Variants in NXPE2 observed in about 807,000 individuals in gnomAD.
The protein encoded by NXPE2 is NXPE family member 2.
NXPE2 carries 34 observed loss-of-function variants against 34.4 expected under a neutral mutation model. The ratio of observed to expected loss-of-function variants is 0.99; its 90% CI spans 0.75 to 1.31. The LOEUF is 1.31. Ranked by LOEUF, NXPE2 falls within the 40% of genes most tolerant of loss-of-function variation. NXPE2 has a pLI of 0.00. For missense variants in NXPE2, 649 were observed against 672.5 expected (o/e 0.97, Z 0.39); for synonymous variants, 235 against 231.3 (o/e 1.02, Z -0.15).
the NXPE2 span, among the ~76,000 whole-genome samples, chr11:114,601,816 T>G: frequency 2.7e-5 from 2 of 74,578 alleles, no homozygotes; most frequent in African/African-American, 5.4e-5. Context: ...ATTATATAAT[T>G]ATATATAATA....
the NXPE2 span, among the ~76,000 whole-genome samples, chr11:114,640,007 A>T: frequency 8.3e-6 from 1 of 120,510 alleles, no homozygotes; most frequent in Non-Finnish European, 1.6e-5. Flanking sequence ...ATAATGTAAT[A>T]ATATATTATT....
At chr11:114,719,336 C>T in the NXPE2 span, among the ~76,000 whole-genome samples, 3 of 152,100 alleles carry the variant, frequency 2.0e-5, no homozygotes, top group Admixed American at 6.5e-5. Flanking sequence ...GAGAAAGTAA[C>T]AACACCAGAT....
chr11:114,759,971 C>A, the NXPE2 span, among the ~76,000 whole-genome samples: 67,806 of 151,948 alleles, frequency 0.45, 15,421 homozygotes, highest in East Asian at 0.49. Flanking sequence ...ATGCTTAACA[C>A]AACCTTGCAT....
the NXPE2 span, among the ~76,000 whole-genome samples, chr11:114,620,448 G>T: frequency 6.6e-6 from 1 of 151,036 alleles, no homozygotes; most frequent in African/African-American, 2.4e-5. Flanking sequence ...TACCCAGTGG[G>T]TATTAATTGT....
chr11:114,759,129 C>G, the NXPE2 span, among the ~76,000 whole-genome samples: 1 of 152,156 alleles, frequency 6.6e-6, no homozygotes, highest in Non-Finnish European at 1.5e-5. Flanking sequence ...CTCTTTCTCT[C>G]TCTCTCTCCT....
chr11:114,669,916 T>G, the NXPE2 span, among the ~76,000 whole-genome samples: 1 of 152,014 alleles, frequency 6.6e-6, no homozygotes, highest in Non-Finnish European at 1.5e-5. Context: ...AAGGTCTGAT[T>G]GCAAAAATTC....
At chr11:114,511,018 T>G in the NXPE2 span, among the ~76,000 whole-genome samples, 1 of 152,120 alleles carries the variant, frequency 6.6e-6, no homozygotes, top group African/African-American at 2.4e-5. Flanking sequence ...GTGAAGAGAA[T>G]GAAATCTTCT....
At chr11:114,583,327 A>G in the NXPE2 span, 16 of 623,800 alleles carry the variant, frequency 2.6e-5, no homozygotes, top group Non-Finnish European at 4.2e-5. Context: ...ACTATTATGG[A>G]CAAGCCCACC....
At chr11:114,512,016 TATATC>T in the NXPE2 span, among the ~76,000 whole-genome samples, 3 of 152,134 alleles carry the variant, frequency 2.0e-5, no homozygotes, top group Non-Finnish European at 4.4e-5. Flanking sequence ...AAAACAAACT[TATATC>T]ATAGTTTAAA....
chr11:114,582,851 G>A, the NXPE2 span: 1 of 1,614,054 alleles, frequency 6.2e-7, no homozygotes, highest in Admixed American at 1.7e-5. Flanking sequence ...TGTTCACGTG[G>A]GTGAAAGGTC....
At chr11:114,571,957 C>T in the NXPE2 span, among the ~76,000 whole-genome samples, 1 of 152,206 alleles carries the variant, frequency 6.6e-6, no homozygotes, top group Non-Finnish European at 1.5e-5. Flanking sequence ...AAAACCAGCA[C>T]ACTAAACAAA....
chr11:114,585,646 T>C, the NXPE2 span, among the ~76,000 whole-genome samples: 1 of 152,078 alleles, frequency 6.6e-6, no homozygotes, highest in Admixed American at 6.6e-5. Flanking sequence ...TTAGAACACC[T>C]AAATATATAA....
chr11:114,601,155 T>A, the NXPE2 span, among the ~76,000 whole-genome samples: 1 of 151,770 alleles, frequency 6.6e-6, no homozygotes, highest in Non-Finnish European at 1.5e-5. Flanking sequence ...ATGAATTGTA[T>A]AATGGTGAAC....
chr11:114,685,630 C>T (rs1565381797), intron 2 of NXPE2, among the ~76,000 whole-genome samples: 1 of 151,978 alleles, frequency 6.6e-6, no homozygotes, highest in South Asian at 2.1e-4. Flanking sequence ...TAGTCTATGG[C>T]AATTCTAGTG....
the NXPE2 span, among the ~76,000 whole-genome samples, chr11:114,470,991 T>G: frequency 2.0e-5 from 3 of 152,208 alleles, no homozygotes; most frequent in East Asian, 1.9e-4. Context: ...TGACAGGTTG[T>G]TTGTTTTCTT....
chr11:114,736,357 T>A, the NXPE2 span, among the ~76,000 whole-genome samples: 1 of 152,148 alleles, frequency 6.6e-6, no homozygotes, highest in East Asian at 1.9e-4. Flanking sequence ...AAGGAAGCCA[T>A]TTCAGAGGCC....
chr11:114,724,974 A>AT, the NXPE2 span, among the ~76,000 whole-genome samples: 3 of 146,902 alleles, frequency 2.0e-5, no homozygotes, highest in East Asian at 6.1e-4. Context: ...AGAGTCTGGA[A>AT]TTTTTTGAGA....
chr11:114,684,990 G>T lies in NXPE2; in HGVS notation c.132+5228G>T, dbSNP rs76800154. On this transcript the variant is annotated intron_variant, in intron 2 of 5. Transcript: ENST00000389586. ...TTTAGTGATTAAGACTAGGAGCCAAGTTCTTCATGATCTTCTATAAATGAG... is the reference window on the plus strand; with the variant it reads ...TTTAGTGATTAAGACTAGGAGCCAATTTCTTCATGATCTTCTATAAATGAG... Among the ~76,000 whole-genome samples, 284 of 152,236 alleles carry T rather than the reference G, an allele frequency of 1.9e-3. 7 individuals are homozygous for T. In the East Asian group the frequency reaches 0.048, roughly 26 times the overall value.
At chr11:114,634,949 C>T in the NXPE2 span, among the ~76,000 whole-genome samples, 4 of 151,690 alleles carry the variant, frequency 2.6e-5, no homozygotes, top group African/African-American at 9.7e-5. Context: ...TGATGAGGGC[C>T]CTTTTTTGGT....
Sources: allele counts gnomAD v4.1 joint callset (sites outside exome capture counted in the v4.1 genomes callset), GRCh38; gene constraint gnomAD v4.1.1; transcripts MANE v1.5; gene names NCBI Gene and HGNC (gene_info 2026-07-23, HGNC 2026-07-21).